Variants in SYCP1 observed in about 807,000 individuals in gnomAD.
SYCP1 encodes cancer/testis antigen 8.
In SYCP1, 64 loss-of-function variants were observed where a neutral mutation model predicts 153.1. The observed-to-expected ratio is 0.42, with a 90% CI of 0.34 to 0.51. The LOEUF is 0.51. Ranked by LOEUF, SYCP1 falls within the 20% of genes least tolerant of loss-of-function variation. SYCP1 has a pLI of 0.06. For synonymous variants in SYCP1, 384 were observed against 341.8 expected (o/e 1.12, Z -1.36); for missense variants, 997 against 1,049.0 (o/e 0.95, Z 0.68).
intron 23 of SYCP1, among the ~76,000 whole-genome samples, chr1:114,936,302 C>T (rs1349992342): frequency 1.3e-5 from 2 of 152,134 alleles, no homozygotes; most frequent in Admixed American, 6.5e-5. Context: ...AGACAAAAAT[C>T]GCATGATTAT....
intron 12 of SYCP1, among the ~76,000 whole-genome samples, chr1:114,880,773 C>G (rs1414079013): frequency 6.6e-6 from 1 of 152,050 alleles, no homozygotes; most frequent in Non-Finnish European, 1.5e-5. Context: ...CCCGTTTAGT[C>G]CTTTTATGTC....
chr1:114,923,406 C>A, intron 20 of SYCP1, 43 bp from the exon 21 acceptor site: 1 of 1,508,096 alleles, frequency 6.6e-7, no homozygotes, highest in Non-Finnish European at 8.9e-7. Context: ...TTCTATAGGC[C>A]TAATAATTTT....
At chr1:114,881,744 C>T (rs1557767902) in intron 12 of SYCP1, among the ~76,000 whole-genome samples, 2 of 152,136 alleles carry the variant, frequency 1.3e-5, no homozygotes, top group Non-Finnish European at 2.9e-5. Flanking sequence ...TCTAGCGATC[C>T]TCCTGCCTTG....
chr1:114,988,009 T>C (rs567029285), intron 30 of SYCP1, among the ~76,000 whole-genome samples: 20 of 148,252 alleles, frequency 1.3e-4, no homozygotes, highest in African/African-American at 4.4e-4. Context: ...TAAAAGCAGA[T>C]TTGAGTAAGC....
Position 114,886,248 on chromosome 1 carries a change from G to A in SYCP1, c.1129G>A (p.Val377Ile). 1.9e-6 allele frequency: 3 copies of A among 1,607,390 alleles called. No individual in the cohort carries two copies. Among genetic ancestry groups the A allele is most frequent in the African/African-American group, 1.3e-5 (1 of 74,666 alleles). Reference sequence around the variant, plus strand: ...AGCTAGAGCTGCTCATTCGTTTGTGGTTACTGAATTTGAAACTACTGTCTG... The same window carrying A: ...AGCTAGAGCTGCTCATTCGTTTGTGATTACTGAATTTGAAACTACTGTCTG... ...NKARAAHSFV[V>I]TEFETTVCSL... Residue 377 changes from valine (V) to isoleucine (I), a missense_variant, in exon 14 of 32, where the codon GTT becomes ATT. Around this residue, in one of 2 missense-constraint regions of SYCP1, gnomAD observed 712 missense variants for 682.9 expected, o/e 1.04. Coordinates refer to ENST00000369522, the MANE Select transcript of SYCP1 (RefSeq NM_003176.4).
At chr1:114,962,629 G>C (rs1671851968) in intron 27 of SYCP1, among the ~76,000 whole-genome samples, 1 of 152,088 alleles carries the variant, frequency 6.6e-6, no homozygotes, top group South Asian at 2.1e-4. Context: ...CTGCCATTCT[G>C]TATCTTTTAA....
intron 27 of SYCP1, among the ~76,000 whole-genome samples, chr1:114,961,635 G>A (rs1012367547): frequency 3.9e-5 from 6 of 152,224 alleles, no homozygotes; most frequent in South Asian, 4.2e-4. Context: ...TAATTTTCAC[G>A]TATTTGCCTG....
intron 29 of SYCP1, among the ~76,000 whole-genome samples, chr1:114,982,742 T>C (rs1050776984): frequency 3.9e-5 from 6 of 151,952 alleles, no homozygotes; most frequent in African/African-American, 1.2e-4. Flanking sequence ...TTTCTGTTGT[T>C]TGTTCTTTTA....
rs1174716918 is a variant in SYCP1, at chr1:114,947,811, C to CAAAAA, written c.2322+518_2322+522dup. ...TGGGAGACAGAGCGAGACTCCGTCT[C>CAAAAA]AAAAAAAAAAAAAAAAAAAAAAAAA... is the stretch of plus-strand genomic sequence containing the variant. On this transcript the variant is annotated intron_variant, in intron 27 of 31. Coordinates refer to ENST00000369522, the MANE Select transcript of SYCP1 (RefSeq NM_003176.4). Among the ~76,000 whole-genome samples, 418 of 43,850 alleles carry CAAAAA rather than the reference C, an allele frequency of 9.5e-3. 1 individual carries two copies. Among genetic ancestry groups the CAAAAA allele is most frequent in the African/African-American group, 0.014 (143 of 10,402 alleles). 28.8% of individuals were successfully genotyped at this position (43,850 alleles called of 152,430 possible). A position where few individuals can be genotyped will look rare whatever the true frequency, so the allele number is the denominator to read the frequency against.
rs866836534 is a variant in SYCP1, at chr1:114,911,557, C to T, written c.1504C>T (p.Leu502=). The change falls in exon 18 of 32, where the codon CTA becomes TTA. Residue 502 remains leucine (L), a synonymous_variant. Coordinates refer to ENST00000369522, the MANE Select transcript of SYCP1 (RefSeq NM_003176.4). Reference sequence around the variant, plus strand: ...GTATTATTCAAAAGAGGTTAAAGATCTAAAAACTGAGCTTGAAAACGAGAA... The same window carrying T: ...GTATTATTCAAAAGAGGTTAAAGATTTAAAAACTGAGCTTGAAAACGAGAA... ...EQYYSKEVKD[L]KTELENEKLK... 1 of 1,506,438 alleles carries T rather than the reference C, an allele frequency of 6.6e-7. No homozygotes were observed. The highest frequency in any genetic ancestry group is 8.9e-7 in the Non-Finnish European group (1 of 1,128,726). The allele number at this position is 1,506,438 out of a possible 1,614,324, so 93.3% of individuals were successfully genotyped here.
At chr1:114,969,004 C>T (rs539728887) in intron 27 of SYCP1, among the ~76,000 whole-genome samples, 22 of 152,250 alleles carry the variant, frequency 1.4e-4, no homozygotes, top group Middle Eastern at 3.4e-3. Flanking sequence ...GTATCACCAG[C>T]GGAGGCTGCA....
intron 8 of SYCP1, among the ~76,000 whole-genome samples, chr1:114,866,009 T>C (rs987542660): frequency 2.0e-5 from 3 of 152,212 alleles, no homozygotes; most frequent in African/African-American, 7.2e-5. Flanking sequence ...CATCACTTGA[T>C]AGCTCATTTT....
chr1:114,926,435 T>G (rs2101740417), intron 22 of SYCP1, 66 bp from the exon 23 acceptor site: 2 of 1,494,722 alleles, frequency 1.3e-6, no homozygotes, highest in Non-Finnish European at 1.8e-6. Flanking sequence ...AATTTAAGTC[T>G]AAGTCAGTAG....
intron 7 of SYCP1, among the ~76,000 whole-genome samples, chr1:114,860,131 G>A (rs1245861806): frequency 1.3e-5 from 2 of 152,108 alleles, no homozygotes; most frequent in Non-Finnish European, 2.9e-5. Context: ...CTTGAGTACA[G>A]TACTTATAAA....
At position 114,910,452 on chromosome 1, in the gene SYCP1, A is replaced by C; in HGVS notation, c.1376A>C (p.Glu459Ala). 1 of 1,605,258 alleles carries C rather than the reference A, an allele frequency of 6.2e-7. No individual in the cohort carries two copies. Among genetic ancestry groups the C allele is most frequent in the African/African-American group, 1.3e-5 (1 of 74,562 alleles). Residue 459 changes from glutamate to alanine, a missense_variant, in exon 17 of 32, where the codon GAA (glutamate) becomes GCA (alanine). Around this residue, in one of 2 missense-constraint regions of SYCP1, gnomAD observed 712 missense variants for 682.9 expected, o/e 1.04. Coordinates refer to ENST00000369522, the MANE Select transcript of SYCP1 (RefSeq NM_003176.4). The stretch of plus-strand genomic sequence containing the variant: ...AAACAATTTGAGAAGATTGCTGAAG[A>C]ATTAAAAGGAACAGAACAAGAACTA... ...ENKQFEKIAE[E>A]LKGTEQELIG... is the part of the protein sequence containing the mutation.
intron 15 of SYCP1, among the ~76,000 whole-genome samples, chr1:114,888,031 T>C (rs1005618031): frequency 2.0e-5 from 3 of 152,144 alleles, no homozygotes; most frequent in Non-Finnish European, 2.9e-5. Context: ...ATGTCTGTTA[T>C]TGTTTAATTG....
chr1:114,891,922 T>C (rs1309692635), intron 15 of SYCP1, among the ~76,000 whole-genome samples: 4 of 152,188 alleles, frequency 2.6e-5, no homozygotes, highest in Non-Finnish European at 4.4e-5. Context: ...AAATATTTAA[T>C]TATAAATTGG....
At chr1:114,993,995 ATTTTT>A (rs141666315) in intron 30 of SYCP1, among the ~76,000 whole-genome samples, 3 of 148,070 alleles carry the variant, frequency 2.0e-5, no homozygotes, top group Non-Finnish European at 3.0e-5. Context: ...TTTTGTGACC[ATTTTT>A]TTTTTCATTT....
In SYCP1 at chr1:114,913,121, G is replaced by C. The variant is rs1489443248; in HGVS notation, c.1618G>C (p.Glu540Gln). Residue 540 changes from glutamate to glutamine, a missense_variant, in exon 19 of 32, where the codon GAA becomes CAA. Physicochemically the swap from Glu to Gln is conservative, Grantham distance 29. Around this residue, in one of 2 missense-constraint regions of SYCP1, gnomAD observed 712 missense variants for 682.9 expected, o/e 1.04. Coordinates refer to ENST00000369522, the MANE Select transcript of SYCP1 (RefSeq NM_003176.4). ...ACAGGAAACAAGTGATATGACCCTA[G>C]AACTCAAGAATCAGCAAGAAGATAT... ...LTQETSDMTL[E>Q]LKNQQEDINN... 1.2e-6 allele frequency: 2 copies of C among 1,611,208 alleles called. No individual in the cohort carries two copies. The highest frequency in any genetic ancestry group is 2.2e-5 in the South Asian group (2 of 90,548).
Sources: gnomAD v4.1 joint callset for allele counts (sites outside exome capture counted in the v4.1 genomes callset) on GRCh38, gnomAD v4.1.1 for gene constraint, gnomAD v4.1.1 regional missense constraint, MANE v1.5 for transcripts, NCBI Gene and HGNC (gene_info 2026-07-23, HGNC 2026-07-21) for gene names.